The following CEP350 variants were observed in gnomAD, a reference collection of about 807,000 sequenced individuals.
CEP350 encodes the protein centrosomal protein 350.
A neutral mutation model predicts 331.8 loss-of-function variants in CEP350; 126 were observed. That is an observed-to-expected ratio of 0.38 (90% CI 0.33 to 0.44). CEP350 has a LOEUF of 0.44. Ranked by LOEUF, CEP350 falls within the 20% of genes least tolerant of loss-of-function variation. The pLI is 1.00. For synonymous variants in CEP350, 1,200 were observed against 1,259.5 expected, an observed-to-expected ratio of 0.95 and a Z score of 1.00; for missense variants, 3,406 against 3,634.6, an observed-to-expected ratio of 0.94 and a Z score of 1.62.
rs1234193934 is a variant in CEP350, at chr1:180,078,616, T to G, written c.5921T>G (p.Leu1974Arg). ...CCAGGGAGTCCAGATCACAGTATAC[T>G]TACTGAAGAAATGATTTGTTCACAG... ...EQPGSPDHSI[L>R]TEEMICSQEL... Residue 1974 changes from leucine to arginine, a missense_variant, in exon 29 of 38, where the codon CTT becomes CGT. Coordinates refer to ENST00000367607, the MANE Select transcript of CEP350 (RefSeq NM_014810.5). The G allele has an allele frequency of 1.2e-6, 2 of 1,612,910 alleles. No individual in the cohort carries two copies. Among genetic ancestry groups the G allele is most frequent in the Middle Eastern group, 1.7e-4 (1 of 6,026 alleles).
At chr1:180,060,652 A>T (rs1658166922) in intron 25 of CEP350, among the ~76,000 whole-genome samples, 1 of 152,164 alleles carries the variant, frequency 6.6e-6, no homozygotes, top group Non-Finnish European at 1.5e-5. Flanking sequence ...GACTCTAAAA[A>T]ATTTTAAAAA....
intron 25 of CEP350, among the ~76,000 whole-genome samples, chr1:180,054,799 A>G (rs780868996): frequency 1.4e-4 from 21 of 152,222 alleles, no homozygotes; most frequent in Non-Finnish European, 2.8e-4. Context: ...AAAAATTAAG[A>G]TATGTGTAAA....
chr1:180,086,093 T>G (rs777712693), intron 31 of CEP350, among the ~76,000 whole-genome samples: 6 of 152,126 alleles, frequency 3.9e-5, no homozygotes, highest in Non-Finnish European at 8.8e-5. Flanking sequence ...ACACAGAAAA[T>G]AGGCCTGTTA....
At chr1:180,048,952 C>T (rs1657304374) in intron 22 of CEP350, among the ~76,000 whole-genome samples, 1 of 152,064 alleles carries the variant, frequency 6.6e-6, no homozygotes, top group African/African-American at 2.4e-5. Flanking sequence ...GCCTATGGTC[C>T]TAGTACGTGG....
Position 180,043,073 on chromosome 1 carries a change from A to G in CEP350, c.4380A>G (p.Arg1460=). 1.2e-6 allele frequency: 2 copies of G among 1,613,292 alleles called. No individual in the cohort carries two copies. The highest frequency in any genetic ancestry group is 1.7e-6 in the Non-Finnish European group (2 of 1,179,560). The change falls in exon 20 of 38, where the codon AGA becomes AGG. Residue 1460 remains arginine, a synonymous_variant. Coordinates refer to ENST00000367607, the MANE Select transcript of CEP350 (RefSeq NM_014810.5). ...RQICEMAELT[R]THISDAVVAS... is the part of the protein sequence containing the mutation. ...ATGTTTAGATGGCAGAGTTGACTAG[A>G]ACTCATATCTCAGATGCTGTCGTGG...
Position 180,094,545 on chromosome 1 carries a change from G to T in CEP350, c.8440G>T (p.Gly2814Cys). ...NVEEQSPSIS[G>C]CFLSSELEDE... ...TGAGGAACAGTCGCCAAGTATTTCA[G>T]GTTGCTTCTTAAGTTCTGAATTGGA... The change falls in exon 34 of 38, where the codon GGT (glycine) becomes TGT (cysteine). Residue 2814 changes from glycine (G) to cysteine (C), a missense_variant. Coordinates refer to ENST00000367607, the MANE Select transcript of CEP350 (RefSeq NM_014810.5). The T allele has an allele frequency of 6.2e-7, 1 of 1,613,892 alleles. No individual in the cohort carries two copies. The highest frequency in any genetic ancestry group is 8.5e-7 in the Non-Finnish European group (1 of 1,179,842).
At chr1:180,005,844 T>C (rs181960559) in intron 7 of CEP350, among the ~76,000 whole-genome samples, 5 of 152,330 alleles carry the variant, frequency 3.3e-5, no homozygotes, top group Admixed American at 2.6e-4. Context: ...CTTATACTTA[T>C]TTCCACTCTA....
At chr1:180,015,771 CTT>C in intron 10 of CEP350, 76 bp from the exon 11 acceptor site, 9 of 1,489,062 alleles carry the variant, frequency 6.0e-6, no homozygotes, top group Non-Finnish European at 8.1e-6. Flanking sequence ...GCTGAGGTGA[CTT>C]AATGTTTAAC....
intron 8 of CEP350, among the ~76,000 whole-genome samples, chr1:180,006,971 G>A (rs955264237): frequency 6.6e-6 from 1 of 152,150 alleles, no homozygotes; most frequent in African/African-American, 2.4e-5. Context: ...AGTATTCCAT[G>A]CTATGTATGT....
chr1:179,973,577 G>A (rs1397986337), intron 1 of CEP350, among the ~76,000 whole-genome samples: 1 of 152,020 alleles, frequency 6.6e-6, no homozygotes, highest in African/African-American at 2.4e-5. Flanking sequence ...TTTTACTCCA[G>A]TTTTCTGATT....
intron 37 of CEP350, among the ~76,000 whole-genome samples, chr1:180,107,601 G>A (rs1445768263): frequency 6.6e-6 from 1 of 152,208 alleles, no homozygotes; most frequent in Non-Finnish European, 1.5e-5. Flanking sequence ...CCGGGAGGTG[G>A]AGGTTGCAGT....
At chr1:180,090,907 A>G in intron 33 of CEP350, 111 bp downstream of exon 33, 1 of 889,594 alleles carries the variant, frequency 1.1e-6, no homozygotes, top group Non-Finnish European at 1.5e-6. Context: ...GAATTTCTTA[A>G]GTAGATTATT....
intron 17 of CEP350, among the ~76,000 whole-genome samples, chr1:180,038,660 T>C (rs1193890930): frequency 1.3e-5 from 2 of 152,226 alleles, no homozygotes; most frequent in African/African-American, 4.8e-5. Context: ...TTTGTGTATT[T>C]ATTGAGCATT....
chr1:179,994,767 C>T (rs1653353428), intron 5 of CEP350, among the ~76,000 whole-genome samples: 1 of 152,026 alleles, frequency 6.6e-6, no homozygotes, highest in South Asian at 2.1e-4. Context: ...CCATCTTTTT[C>T]AATAATCAAC....
At chr1:179,985,899 C>G (rs1652612971) in intron 1 of CEP350, among the ~76,000 whole-genome samples, 1 of 152,120 alleles carries the variant, frequency 6.6e-6, no homozygotes, top group Non-Finnish European at 1.5e-5. Context: ...ATTGCTGGAT[C>G]TTACAGTAAT....
intron 15 of CEP350, among the ~76,000 whole-genome samples, chr1:180,033,137 A>G (rs1656127165): frequency 6.6e-6 from 1 of 152,174 alleles, no homozygotes; most frequent in Non-Finnish European, 1.5e-5. Context: ...TAATTTATTC[A>G]GTAAATAAAT....
At chr1:180,108,217 G>A (rs1282881617) in intron 37 of CEP350, among the ~76,000 whole-genome samples, 1 of 152,106 alleles carries the variant, frequency 6.6e-6, no homozygotes, top group African/African-American at 2.4e-5. Context: ...AGGTTACACC[G>A]AGAGAGAGAA....
Position 180,070,251 on chromosome 1 carries a change from C to T in CEP350, c.5568-4771C>T, listed in dbSNP as rs183815405. Among the ~76,000 whole-genome samples, 89 of 152,080 alleles carry T rather than the reference C, an allele frequency of 5.9e-4. 2 individuals are homozygous for T. The East Asian group carries it at 6.9e-3, about 12-fold the overall frequency. On this transcript the variant is annotated intron_variant, in intron 27 of 37. Coordinates refer to ENST00000367607, the MANE Select transcript of CEP350 (RefSeq NM_014810.5). ...TGTGAAGGTATTAAGATTTTGTTTT[C>T]GATATCTTTTATAATGAAAGGATTT... is the stretch of plus-strand genomic sequence containing the variant.
At chr1:179,990,111 G>C (rs1325012808) in intron 3 of CEP350, among the ~76,000 whole-genome samples, 1 of 151,910 alleles carries the variant, frequency 6.6e-6, no homozygotes, top group Non-Finnish European at 1.5e-5. Flanking sequence ...TCTTGAACCC[G>C]TGAGGTGGAG....
Sources: allele counts gnomAD v4.1 joint callset (sites outside exome capture counted in the v4.1 genomes callset), GRCh38; gene constraint gnomAD v4.1.1; transcripts MANE v1.5; gene names NCBI Gene and HGNC (gene_info 2026-07-23, HGNC 2026-07-21).